UGP2: variants seen among roughly 807,000 people sequenced by gnomAD.
UGP2 encodes UTP--glucose-1-phosphate uridylyltransferase.
UGP2 carries 40 observed loss-of-function variants against 49.0 expected under a neutral mutation model. The ratio of observed to expected loss-of-function variants is 0.82; its 90% CI spans 0.63 to 1.06. The LOEUF (loss-of-function observed/expected upper bound fraction) is 1.06, where lower values mean the gene tolerates loss of function less well. Ranked by LOEUF, UGP2 falls within the 50% of genes least tolerant of loss-of-function variation. The pLI, the probability that UGP2 is intolerant of heterozygous loss-of-function variation, is 0.00. For missense variants in UGP2, 460 were observed against 603.5 expected (o/e 0.76, Z 2.49); for synonymous variants, 225 against 213.0 (o/e 1.06, Z -0.49).
At chr2:63,884,358 T>G (rs1671516265) in intron 5 of UGP2, among the ~76,000 whole-genome samples, 1 of 152,236 alleles carries the variant, frequency 6.6e-6, no homozygotes, top group South Asian at 2.1e-4. Flanking sequence ...CTTTGCTTTC[T>G]GAGAGCATAT....
rs146058060 is a variant in UGP2, at chr2:63,885,798, A to G, written c.785A>G (p.Tyr262Cys). Residue 262 changes from tyrosine to cysteine, a missense_variant, in exon 6 of 10, where the codon TAT becomes TGT. Transcript: ENST00000337130. ...AATCTGGGTGCCACAGTGGATCTGT[A>G]TATTCTTAATCATCTAATGAACCCA... is the stretch of plus-strand genomic sequence containing the variant. ...IDNLGATVDL[Y>C]ILNHLMNPPN... The G allele has an allele frequency of 2.2e-4, 357 of 1,613,078 alleles. 1 individual carries two copies. The highest frequency in any genetic ancestry group is 2.1e-3 in the South Asian group (191 of 90,762).
Position 63,884,208 on chromosome 2 carries a change from A to G in UGP2, c.575+115A>G. On this transcript the variant is annotated intron_variant, in intron 5 of 9. Coordinates refer to ENST00000337130, the MANE Select transcript of UGP2 (RefSeq NM_006759.4). ...CAGGTACCAAATATTGATGTTCACA[A>G]GTGTTTGATGCCCATAAAAGCTGAG... 8 of 1,248,128 alleles carry G rather than the reference A, an allele frequency of 6.4e-6. No individual in the cohort carries two copies. The South Asian group carries it at 1.1e-4, about 17-fold the overall frequency. 77.3% of individuals were successfully genotyped at this position (1,248,128 alleles called of 1,614,324 possible). A position where few individuals can be genotyped will look rare whatever the true frequency, so the allele number is the denominator to read the frequency against.
chr2:63,878,947 G>A (rs1280581446), intron 3 of UGP2, among the ~76,000 whole-genome samples: 2 of 151,384 alleles, frequency 1.3e-5, no homozygotes, highest in East Asian at 3.9e-4. Context: ...GTTTTCTTCT[G>A]GTGAAATTTT....
chr2:63,844,582 A>T (rs1671804023), intron 1 of UGP2, among the ~76,000 whole-genome samples: 1 of 152,108 alleles, frequency 6.6e-6, no homozygotes, highest in Admixed American at 6.5e-5. Flanking sequence ...ATTGATTTTG[A>T]GGCAGGGTCT....
intron 3 of UGP2, among the ~76,000 whole-genome samples, chr2:63,865,733 C>T (rs1342813324): frequency 6.6e-6 from 1 of 151,914 alleles, no homozygotes; most frequent in African/African-American, 2.4e-5. Flanking sequence ...AAGACAAGGT[C>T]TCGCTGTGTT....
chr2:63,883,722 G>A (rs544594436), intron 4 of UGP2, among the ~76,000 whole-genome samples: 14 of 152,152 alleles, frequency 9.2e-5, no homozygotes, highest in Non-Finnish European at 1.8e-4. Flanking sequence ...TTAGACATCC[G>A]TAAAATGCAG....
intron 9 of UGP2, among the ~76,000 whole-genome samples, chr2:63,890,858 T>C (rs1672088471): frequency 1.4e-5 from 2 of 146,010 alleles, no homozygotes; most frequent in South Asian, 2.2e-4. Context: ...GGGCTGGCCA[T>C]GCTGTGGCAC....
chr2:63,884,105 A>C lies in UGP2; in HGVS notation c.575+12A>C. On this transcript the variant is annotated intron_variant, in intron 5 of 9. Coordinates refer to ENST00000337130, the MANE Select transcript of UGP2 (RefSeq NM_006759.4). ...TTCAATCAAAGCAGGTACAATGAGT[A>C]AAAAATTAACTCTGGGTATGTTACT... is the stretch of plus-strand genomic sequence containing the variant. 6.2e-7 allele frequency: 1 copy of C among 1,611,152 alleles called. No individual in the cohort carries two copies. The highest frequency in any genetic ancestry group is 8.5e-7 in the Non-Finnish European group (1 of 1,179,416).
intron 1 of UGP2, among the ~76,000 whole-genome samples, chr2:63,850,643 C>G (rs1003537217): frequency 6.6e-6 from 1 of 152,194 alleles, no homozygotes; most frequent in Non-Finnish European, 1.5e-5. Flanking sequence ...TTTGTCTAGA[C>G]TACCTATCTG....
chr2:63,844,625 G>A (rs1399718157), intron 1 of UGP2, among the ~76,000 whole-genome samples: 1 of 152,096 alleles, frequency 6.6e-6, no homozygotes, highest in Non-Finnish European at 1.5e-5. Context: ...GCAGTGGTGC[G>A]ATCACAGCTC....
At chr2:63,842,714 G>T (rs532834403) in intron 1 of UGP2, 21 of 982,540 alleles carry the variant, frequency 2.1e-5, no homozygotes, top group Non-Finnish European at 2.6e-5. Context: ...GTAGCCCGAA[G>T]AAGCTGGAGG....
At chr2:63,882,786 T>C in intron 4 of UGP2, 135 bp downstream of exon 4, 4 of 1,003,816 alleles carry the variant, frequency 4.0e-6, no homozygotes, top group Non-Finnish European at 5.4e-6. Context: ...TCTTTATTGG[T>C]GGAAAAAAGG....
In UGP2 at chr2:63,890,191, T is replaced by C. The variant is rs772666124; in HGVS notation, c.1419+6T>C. 4 of 1,583,888 alleles carry C rather than the reference T, an allele frequency of 2.5e-6. No homozygotes were observed. The highest frequency in any genetic ancestry group is 3.4e-6 in the Non-Finnish European group (4 of 1,161,018). On this transcript the variant is annotated splice_donor_region_variant and intron_variant, in intron 9 of 9. Transcript: ENST00000337130. ...GAAAAAATGTTTCATTAAAGGTATG[T>C]TGTTACAATGAAAATTATATTTCTT...
chr2:63,844,625 G>C (rs1399718157), intron 1 of UGP2, among the ~76,000 whole-genome samples: 1 of 152,096 alleles, frequency 6.6e-6, no homozygotes, highest in Non-Finnish European at 1.5e-5. Flanking sequence ...GCAGTGGTGC[G>C]ATCACAGCTC....
At chr2:63,879,905 A>G (rs1419018652) in intron 3 of UGP2, among the ~76,000 whole-genome samples, 1 of 152,240 alleles carries the variant, frequency 6.6e-6, no homozygotes, top group Non-Finnish European at 1.5e-5. Flanking sequence ...AATTTTACCT[A>G]AAATGAATGC....
intron 9 of UGP2, among the ~76,000 whole-genome samples, chr2:63,890,726 T>G (rs1453010195): frequency 6.6e-6 from 1 of 152,236 alleles, no homozygotes; most frequent in Non-Finnish European, 1.5e-5. Flanking sequence ...TGAAAAATCT[T>G]ATCAGTAAAC....
At chr2:63,887,262 CTCAAAAAAAAAAAAAAA>C in intron 7 of UGP2, 123 bp from the exon 8 acceptor site, 1 of 1,141,770 alleles carries the variant, frequency 8.8e-7, no homozygotes, top group Non-Finnish European at 1.2e-6. Flanking sequence ...AAGACTCCTT[CTCAAAAAAAAAAAAAAA>C]TTTTTTTTTT....
chr2:63,854,445 T>G (rs148950334), intron 1 of UGP2, among the ~76,000 whole-genome samples: 90 of 152,330 alleles, frequency 5.9e-4, no homozygotes, highest in African/African-American at 1.9e-3. Context: ...CTGAGAATGT[T>G]AAATCCAAGA....
chr2:63,854,908 G>A (rs1005472608), intron 1 of UGP2: 1 of 152,262 alleles, frequency 6.6e-6, no homozygotes, highest in Admixed American at 6.5e-5. Context: ...TTAGACCTGT[G>A]TTGACAGAGA....
Sources: gnomAD v4.1 joint callset for allele counts (sites outside exome capture counted in the v4.1 genomes callset) on GRCh38, gnomAD v4.1.1 for gene constraint, MANE v1.5 for transcripts, NCBI Gene and HGNC (gene_info 2026-07-23, HGNC 2026-07-21) for gene names.